SHQ1: variants seen among roughly 807,000 people sequenced by gnomAD.
The protein encoded by SHQ1 is protein SHQ1 homolog.
A neutral mutation model predicts 53.8 loss-of-function variants in SHQ1; 49 were observed. The ratio of observed to expected loss-of-function variants is 0.91; its 90% CI spans 0.72 to 1.16. The LOEUF (loss-of-function observed/expected upper bound fraction) is 1.16, where lower values mean the gene tolerates loss of function less well. SHQ1 is among the 50% of genes most tolerant of loss of function. SHQ1 has a pLI of 0.00. For synonymous variants in SHQ1, 243 were observed against 251.0 expected, an observed-to-expected ratio of 0.97 and a Z score of 0.30; for missense variants, 738 against 683.1, an observed-to-expected ratio of 1.08 and a Z score of -0.90.
chr3:72,783,703 T>A lies in SHQ1; in HGVS notation c.1181+9213A>T, dbSNP rs1279123171. Among the ~76,000 whole-genome samples the A allele has an allele frequency of 4.6e-5, 7 of 152,338 alleles. No homozygotes were observed. The South Asian group carries it at 1.0e-3, about 23-fold the overall frequency. Reference sequence around the variant, plus strand: ...AAATGATAAATGAATTATGTTTCTATTTCTAAAAATTCTCAAATACGTCAA... The same window carrying A: ...AAATGATAAATGAATTATGTTTCTAATTCTAAAAATTCTCAAATACGTCAA... On this transcript the variant is annotated intron_variant, in intron 10 of 10. Coordinates refer to ENST00000325599, the MANE Select transcript of SHQ1 (RefSeq NM_018130.3).
Position 72,812,773 on chromosome 3 carries a change from T to TA in SHQ1, c.957dup (p.Ile320TyrfsTer36). The TA allele has an allele frequency of 6.2e-7, 1 of 1,614,082 alleles. No individual in the cohort carries two copies. Among genetic ancestry groups the TA allele is most frequent in the Non-Finnish European group, 8.5e-7 (1 of 1,179,988 alleles). ...ACCCTTCTTCCAAAAGACACCATGA[T>TA]ATCATGAACGTTAGTCCAAGTCTGT... On this transcript the variant is annotated frameshift_variant, in exon 9 of 11. Coordinates refer to ENST00000325599, the MANE Select transcript of SHQ1 (RefSeq NM_018130.3). LOFTEE classifies it high-confidence loss of function.
intron 4 of SHQ1, among the ~76,000 whole-genome samples, chr3:72,835,622 G>C (rs1017590008): frequency 2.0e-5 from 3 of 152,188 alleles, no homozygotes; most frequent in African/African-American, 7.2e-5. Context: ...ACTGCGCTGA[G>C]AGTAGCCCCA....
intron 10 of SHQ1, among the ~76,000 whole-genome samples, chr3:72,767,109 C>CA (rs1480018370): frequency 2.0e-5 from 3 of 152,224 alleles, no homozygotes; most frequent in African/African-American, 7.2e-5. Flanking sequence ...GGGCTAGCCA[C>CA]AAACCCAAGC....
intron 1 of SHQ1, among the ~76,000 whole-genome samples, chr3:72,847,900 C>A (rs758013638): frequency 5.3e-5 from 8 of 151,992 alleles, no homozygotes; most frequent in Admixed American, 1.3e-4. Flanking sequence ...CAGAACGGGA[C>A]GAGAACTAGG....
At position 72,848,308 on chromosome 3, in the gene SHQ1, A is replaced by C. The variant is rs146220182; in HGVS notation, c.33T>G (p.Asp11Glu). The C allele has an allele frequency of 2.1e-3, 3,397 of 1,614,080 alleles. 9 individuals carry two copies. The highest frequency in any genetic ancestry group is 2.8e-3 in the Middle Eastern group (17 of 6,062). Residue 11 changes from aspartate to glutamate, a missense_variant, in exon 1 of 11, where the codon GAT becomes GAG. By Grantham distance (45) the Asp-to-Glu change is conservative. Transcript: ENST00000325599. Reference sequence around the variant, plus strand: ...GGATGGCGATAGTCAGGAAGTCCGGATCCTGGCTGAGGTCGAACGCCGGGG... The same window carrying C: ...GGATGGCGATAGTCAGGAAGTCCGGCTCCTGGCTGAGGTCGAACGCCGGGG... MLTPAFDLSQ[D>E]PDFLTIAIRV... is the part of the protein sequence containing the mutation.
chr3:72,773,494 A>AAAAAAAAAG lies in SHQ1; in HGVS notation c.1181+19421_1181+19422insCTTTTTTTT, dbSNP rs1466854649. ...TCATAAAGACAGCTTAAAAAAAAAAAAAAGAAAAAAAAGAACTTCCACGAA... is the reference window on the plus strand; with the variant it reads ...TCATAAAGACAGCTTAAAAAAAAAAAAAAAAAAAGAAAGAAAAAAAAGAACTTCCACGAA... On this transcript the variant is annotated intron_variant, in intron 10 of 10. Transcript: ENST00000325599. 680 of 263,564 alleles carry AAAAAAAAAG rather than the reference A, an allele frequency of 2.6e-3. 6 individuals are homozygous for AAAAAAAAAG. Among genetic ancestry groups the AAAAAAAAAG allele is most frequent in the African/African-American group, 0.015 (625 of 42,176 alleles). The allele number at this position is 263,564 out of a possible 1,614,324, so 16.3% of individuals were successfully genotyped here. A position where few individuals can be genotyped will look rare whatever the true frequency, so the allele number is the denominator to read the frequency against.
At chr3:72,765,557 A>ATATATATTT (rs1491527508) in intron 10 of SHQ1, among the ~76,000 whole-genome samples, 4 of 57,182 alleles carry the variant, frequency 7.0e-5, no homozygotes, top group African/African-American at 3.2e-4. Context: ...ATATATATAT[A>ATATATATTT]TTTTTTTTTT....
At chr3:72,772,491 G>C (rs984718529) in intron 10 of SHQ1, 2 of 537,340 alleles carry the variant, frequency 3.7e-6, no homozygotes, top group Admixed American at 5.0e-5. Flanking sequence ...ACATACAGAT[G>C]CATCTGGACC....
At chr3:72,727,223 G>C in the SHQ1 span, among the ~76,000 whole-genome samples, 1 of 152,094 alleles carries the variant, frequency 6.6e-6, no homozygotes, top group Admixed American at 6.5e-5. Context: ...ATGCCAAGGG[G>C]GGTTTGAGGC....
intron 5 of SHQ1, among the ~76,000 whole-genome samples, chr3:72,825,773 C>T (rs1291721241): frequency 4.6e-5 from 7 of 152,190 alleles, no homozygotes. Flanking sequence ...GATAGTTTTA[C>T]AACCTTATAG....
In SHQ1 at chr3:72,844,380, C is replaced by T. The variant is rs147891764; in HGVS notation, c.187G>A (p.Gly63Arg). Residue 63 changes from glycine (G) to arginine (R), a missense_variant, in exon 2 of 11, where the codon GGG (glycine) becomes AGG (arginine). Gly to Arg is a moderately radical substitution (Grantham distance 125). Transcript: ENST00000325599. ...GRIVENGSEQ[G>R]SYDADKGIFT... ...ATACCTTTATCTGCATCATAGGACCCTTGCTCACTTCCATTTTCTACAATT... is the reference window on the plus strand; with the variant it reads ...ATACCTTTATCTGCATCATAGGACCTTTGCTCACTTCCATTTTCTACAATT... The T allele has an allele frequency of 2.5e-6, 4 of 1,613,810 alleles. No homozygotes were observed. In the African/African-American group the frequency reaches 4.0e-5, roughly 16 times the overall value.
At chr3:72,835,978 A>C (rs1707979384) in intron 4 of SHQ1, among the ~76,000 whole-genome samples, 1 of 152,178 alleles carries the variant, frequency 6.6e-6, no homozygotes, top group African/African-American at 2.4e-5. Flanking sequence ...CCTCACTAGA[A>C]TGTTCTCTGA....
At chr3:72,839,822 G>C (rs561099119) in intron 4 of SHQ1, among the ~76,000 whole-genome samples, 10 of 151,970 alleles carry the variant, frequency 6.6e-5, no homozygotes, top group Non-Finnish European at 1.3e-4. Context: ...GTGCAGTGGC[G>C]AGATCTCAGC....
chr3:72,767,078 T>C (rs763170953), intron 10 of SHQ1, among the ~76,000 whole-genome samples: 2 of 152,202 alleles, frequency 1.3e-5, no homozygotes, highest in Non-Finnish European at 2.9e-5. Flanking sequence ...CTAGAGACTT[T>C]AGCGGCATAG....
At chr3:72,761,552 T>G (rs1256357497) in intron 10 of SHQ1, among the ~76,000 whole-genome samples, 1 of 152,156 alleles carries the variant, frequency 6.6e-6, no homozygotes, top group Non-Finnish European at 1.5e-5. Flanking sequence ...CTCAACCACC[T>G]CTTGGATGCT....
chr3:72,788,363 G>A (rs569073558), intron 10 of SHQ1, among the ~76,000 whole-genome samples: 34 of 151,122 alleles, frequency 2.2e-4, no homozygotes, highest in Non-Finnish European at 3.8e-4. Context: ...CTGCCCCGCC[G>A]CCACCCCATC....
the SHQ1 span, among the ~76,000 whole-genome samples, chr3:72,738,954 G>A: frequency 4.6e-5 from 7 of 152,308 alleles, no homozygotes; most frequent in African/African-American, 1.7e-4. Flanking sequence ...TCAGCCAGGA[G>A]GCCCTGCGCG....
chr3:72,748,125 T>C (rs1466704503), downstream of SHQ1, among the ~76,000 whole-genome samples: 1 of 151,648 alleles, frequency 6.6e-6, no homozygotes, highest in Non-Finnish European at 1.5e-5. Flanking sequence ...ATATCAGCAC[T>C]GGGGAATAAT....
At chr3:72,732,919 G>A in the SHQ1 span, among the ~76,000 whole-genome samples, 1 of 151,718 alleles carries the variant, frequency 6.6e-6, no homozygotes, top group Non-Finnish European at 1.5e-5. Context: ...GGACAGATGG[G>A]TGCTGGGTTT....
Sources: gnomAD v4.1 joint callset for allele counts (sites outside exome capture counted in the v4.1 genomes callset) on GRCh38, gnomAD v4.1.1 for gene constraint, MANE v1.5 for transcripts, NCBI Gene and HGNC (gene_info 2026-07-23, HGNC 2026-07-21) for gene names.